The following CUBN variants were observed in gnomAD, a reference collection of about 807,000 sequenced individuals.
The protein encoded by CUBN is 460 kDa receptor.
Under a neutral mutation model 405.3 loss-of-function variants are expected in CUBN, and 282 were observed. The ratio of observed to expected loss-of-function variants is 0.70; its 90% CI spans 0.63 to 0.77. The LOEUF (loss-of-function observed/expected upper bound fraction) is 0.77, where lower values mean the gene tolerates loss of function less well. CUBN is among the 30% of genes least tolerant of loss of function. CUBN has a pLI of 0.00. For missense variants in CUBN, 4,514 were observed against 4,475.2 expected (o/e 1.01, Z -0.25); for synonymous variants, 1,684 against 1,617.0 (o/e 1.04, Z -0.99).
In CUBN at chr10:17,093,302, G is replaced by A. The variant is rs78245011; in HGVS notation, c.1766-4957C>T. On this transcript the variant is annotated intron_variant, in intron 14 of 66. Transcript: ENST00000377833. ...ACTAACAGAGAACAGTTTCGGAGGGGAGGGAAGTTGCTAAGAATTGAAGAG... is the reference window on the plus strand; with the variant it reads ...ACTAACAGAGAACAGTTTCGGAGGGAAGGGAAGTTGCTAAGAATTGAAGAG... Among the ~76,000 whole-genome samples, 1,468 of 152,276 alleles carry A rather than the reference G, an allele frequency of 9.6e-3. 15 individuals are homozygous for A. Among genetic ancestry groups the A allele is most frequent in the Non-Finnish European group, 0.017 (1,163 of 68,018 alleles).
chr10:17,065,470 G>C (rs771195568), intron 22 of CUBN, 38 bp downstream of exon 22: 3 of 1,610,670 alleles, frequency 1.9e-6, no homozygotes, highest in Non-Finnish European at 2.5e-6. Flanking sequence ...TTTTGCAATG[G>C]AGTCAATAAA....
Position 16,982,490 on chromosome 10 carries a change from A to C in CUBN, c.4689T>G (p.Cys1563Trp). The C allele has an allele frequency of 6.2e-7, 1 of 1,613,330 alleles. No individual in the cohort carries two copies. The highest frequency in any genetic ancestry group is 8.5e-7 in the Non-Finnish European group (1 of 1,179,362). Residue 1563 changes from cysteine to tryptophan, a missense_variant, in exon 31 of 67, where the codon TGT (cysteine) becomes TGG (tryptophan). Cys to Trp is a radical substitution (Grantham distance 215). Coordinates refer to ENST00000377833, the MANE Select transcript of CUBN (RefSeq NM_001081.4). ...TGAAATTTATGTCACTTACCATAAT[A>C]CAAGAGTCTTGTGGTTCAAGATCAA... Reference protein sequence around the residue: ...TDFDLEPQDSCIMAYDGLSST... With the variant: ...TDFDLEPQDSWIMAYDGLSST...
At chr10:16,973,797 C>A (rs966911269) in intron 31 of CUBN, among the ~76,000 whole-genome samples, 1 of 152,158 alleles carries the variant, frequency 6.6e-6, no homozygotes, top group Non-Finnish European at 1.5e-5. Context: ...CAGCTCCATC[C>A]ATGTTGCTGA....
intron 59 of CUBN, among the ~76,000 whole-genome samples, chr10:16,853,197 C>A (rs963060042): frequency 6.6e-6 from 1 of 152,114 alleles, no homozygotes; most frequent in African/African-American, 2.4e-5. Context: ...AATTTATTGA[C>A]AATTTTGAAA....
At chr10:16,831,798 GC>G (rs1240673654) in intron 64 of CUBN, among the ~76,000 whole-genome samples, 3 of 152,142 alleles carry the variant, frequency 2.0e-5, no homozygotes, top group African/African-American at 7.2e-5. Context: ...AATGTTGCCT[GC>G]TCTGCTTCCA....
chr10:16,905,839 G>A (rs780809), intron 50 of CUBN, among the ~76,000 whole-genome samples: 6,980 of 152,270 alleles, frequency 0.046, 227 homozygotes, highest in Non-Finnish European at 0.076. Flanking sequence ...TAGGCCAGCC[G>A]TGGTGGCTCA....
intron 54 of CUBN, among the ~76,000 whole-genome samples, 159 bp from the exon 55 acceptor site, chr10:16,890,686 T>A (rs1840979855): frequency 6.6e-6 from 1 of 152,220 alleles, no homozygotes; most frequent in Admixed American, 6.5e-5. Context: ...TGAGAATAAT[T>A]TTTTTAAAGC....
intron 34 of CUBN, among the ~76,000 whole-genome samples, chr10:16,948,919 C>T (rs1842853147): frequency 6.6e-6 from 1 of 152,140 alleles, no homozygotes; most frequent in Non-Finnish European, 1.5e-5. Flanking sequence ...CGGACCCATA[C>T]AAATAAATGC....
At chr10:16,950,860 T>C (rs1208163130) in intron 33 of CUBN, among the ~76,000 whole-genome samples, 1 of 152,208 alleles carries the variant, frequency 6.6e-6, no homozygotes, top group Non-Finnish European at 1.5e-5. Context: ...AATAGACTCA[T>C]TTCCTTAAAT....
chr10:17,008,020 G>A (rs1834071739), intron 28 of CUBN, among the ~76,000 whole-genome samples: 1 of 152,036 alleles, frequency 6.6e-6, no homozygotes, highest in South Asian at 2.1e-4. Context: ...GGGTGAAGTG[G>A]TGCACCCCTG....
At chr10:16,972,442 A>AT (rs1832962009) in intron 31 of CUBN, among the ~76,000 whole-genome samples, 1 of 86,814 alleles carries the variant, frequency 1.2e-5, no homozygotes, top group South Asian at 5.0e-4. Context: ...CATCATTCAC[A>AT]ATTTTTTTTT....
At chr10:16,888,847 T>C (rs562633758) in intron 55 of CUBN, among the ~76,000 whole-genome samples, 45 of 152,264 alleles carry the variant, frequency 3.0e-4, no homozygotes, top group Middle Eastern at 6.8e-3. Context: ...TATTAAGATA[T>C]TAAGAAAGGA....
At chr10:16,935,652 G>GAATT (rs1188816725) in intron 39 of CUBN, among the ~76,000 whole-genome samples, 1 of 151,960 alleles carries the variant, frequency 6.6e-6, no homozygotes, top group Non-Finnish European at 1.5e-5. Flanking sequence ...GGCCGAGGTG[G>GAATT]GCAGATCATG....
At chr10:16,835,612 C>CT (rs55897455) in intron 63 of CUBN, among the ~76,000 whole-genome samples, 97,097 of 146,384 alleles carry the variant, frequency 0.66, 36,570 homozygotes, top group Non-Finnish European at 0.86. Context: ...CGTTATTTAC[C>CT]TTTTTTTTTT....
intron 56 of CUBN, among the ~76,000 whole-genome samples, chr10:16,885,472 A>G (rs1429212450): frequency 1.3e-5 from 2 of 152,208 alleles, no homozygotes; most frequent in African/African-American, 4.8e-5. Flanking sequence ...ATACACACAT[A>G]TATAGCAAAG....
intron 21 of CUBN, among the ~76,000 whole-genome samples, chr10:17,066,554 A>G (rs1010930853): frequency 9.2e-5 from 14 of 152,132 alleles, no homozygotes; most frequent in Admixed American, 3.9e-4. Context: ...TAATATCTTC[A>G]TCAAAATAAA....
rs756660768 is a variant in CUBN, at chr10:16,840,340, T to C, written c.10022A>G (p.Asp3341Gly). 6.2e-7 allele frequency: 1 copy of C among 1,614,006 alleles called. No individual in the cohort carries two copies. Among genetic ancestry groups the C allele is most frequent in the East Asian group, 2.2e-5 (1 of 44,884 alleles). The change falls in exon 62 of 67, where the codon GAC becomes GGC. Residue 3341 changes from aspartate (D) to glycine (G), a missense_variant. By Grantham distance (94) the Asp-to-Gly change is moderately conservative (BLOSUM62 -1). Coordinates refer to ENST00000377833, the MANE Select transcript of CUBN (RefSeq NM_001081.4). ...DCTQNYLQLQDSPQGHGNSRF... is the reference protein window; with the variant it reads ...DCTQNYLQLQGSPQGHGNSRF... ...TCTTATAATTGTTACCTGCGGTGAG[T>C]CCTGAAGCTGTAAGTAATTCTGCGT...
At chr10:16,900,913 C>G in intron 52 of CUBN, 63 bp from the exon 53 acceptor site, 1 of 1,079,680 alleles carries the variant, frequency 9.3e-7, no homozygotes, top group Middle Eastern at 2.0e-4. Flanking sequence ...AAGATAAGGC[C>G]CTTACAAATC....
intron 27 of CUBN, among the ~76,000 whole-genome samples, chr10:17,032,622 T>C (rs892537720): frequency 1.3e-5 from 2 of 152,218 alleles, no homozygotes; most frequent in African/African-American, 4.8e-5. Flanking sequence ...CAAATATTAC[T>C]GTAATTCTCA....
Sources: gnomAD v4.1 joint callset for allele counts (sites outside exome capture counted in the v4.1 genomes callset) on GRCh38, gnomAD v4.1.1 for gene constraint, MANE v1.5 for transcripts, NCBI Gene and HGNC (gene_info 2026-07-23, HGNC 2026-07-21) for gene names.